The following MAP3K15 variants were observed in gnomAD, a reference collection of about 807,000 sequenced individuals.
MAP3K15 encodes MAPK/ERK kinase kinase 15.
Under a neutral mutation model 99.5 loss-of-function variants are expected in MAP3K15, and 124 were observed. The observed-to-expected ratio is 1.25, with a 90% CI of 1.08 to 1.45. MAP3K15 has a LOEUF of 1.45. MAP3K15 is among the 40% of genes most tolerant of loss of function. MAP3K15 has a pLI of 0.00. For synonymous variants in MAP3K15, 494 were observed against 439.6 expected (o/e 1.12, Z -1.55); for missense variants, 1,242 against 1,079.7 (o/e 1.15, Z -2.11).
intron 13 of MAP3K15, among the ~76,000 whole-genome samples, chrX:19,404,236 T>C (rs1226638491): frequency 9.0e-6 from 1 of 111,621 alleles, no homozygotes; most frequent in Non-Finnish European, 1.9e-5. Context: ...CATCCAAAAG[T>C]GAAATTAAAA....
intron 26 of MAP3K15, 31 bp from the exon 27 acceptor site, chrX:19,361,624 G>T (rs375095104): frequency 2.3e-5 from 23 of 1,011,655 alleles, no homozygotes; most frequent in Non-Finnish European, 3.2e-5. Context: ...TTATATATTA[G>T]TCTAACCATA....
intron 6 of MAP3K15, among the ~76,000 whole-genome samples, chrX:19,445,991 T>C (rs2147334899): frequency 1.8e-5 from 1 of 56,733 alleles, no homozygotes; most frequent in South Asian, 7.5e-4. Flanking sequence ...TAAATATTAA[T>C]CAGCCAGCAA....
At chrX:19,490,531 T>A (rs1249796053) in intron 1 of MAP3K15, among the ~76,000 whole-genome samples, 1 of 110,776 alleles carries the variant, frequency 9.0e-6, no homozygotes, top group African/African-American at 3.3e-5. Flanking sequence ...GCAGAATGCT[T>A]GAGCTCAGCA....
At chrX:19,500,308 G>A (rs896124576) in intron 1 of MAP3K15, among the ~76,000 whole-genome samples, 10 of 111,827 alleles carry the variant, frequency 8.9e-5, no homozygotes, top group Non-Finnish European at 1.7e-4. Context: ...GGAATGGATA[G>A]AGGTAAAGAA....
chrX:19,426,491 A>G (rs911204580), intron 7 of MAP3K15, 148 bp from the exon 8 acceptor site: 5 of 333,235 alleles, frequency 1.5e-5, no homozygotes, highest in Non-Finnish European at 2.6e-5. Context: ...CTTTACCAAC[A>G]GCCACATGCA....
chrX:19,475,965 G>A (rs755682353), intron 3 of MAP3K15, among the ~76,000 whole-genome samples: 1 of 111,999 alleles, frequency 8.9e-6, no homozygotes, highest in South Asian at 3.7e-4. Flanking sequence ...TACAAGCCAA[G>A]GTCCCTCATT....
intron 7 of MAP3K15, among the ~76,000 whole-genome samples, chrX:19,429,813 A>AGAGAGAGG (rs1239142304): frequency 1.1e-5 from 1 of 94,585 alleles, no homozygotes; most frequent in Non-Finnish European, 2.0e-5. Context: ...AGAGAGAGAG[A>AGAGAGAGG]GAGAGAGAGG....
intron 22 of MAP3K15, among the ~76,000 whole-genome samples, chrX:19,372,294 G>A (rs947417973): frequency 6.3e-5 from 7 of 111,180 alleles, no homozygotes; most frequent in Admixed American, 4.8e-4. Flanking sequence ...CAGCTCTAGC[G>A]TGTCCTACAG....
chrX:19,371,120 G>T, intron 23 of MAP3K15, 56 bp from the exon 24 acceptor site: 1 of 959,960 alleles, frequency 1.0e-6, no homozygotes, highest in East Asian at 3.5e-5. Flanking sequence ...CAGATTTCCA[G>T]TGCATTGCAC....
At chrX:19,463,837 C>A (rs763323829) in intron 4 of MAP3K15, among the ~76,000 whole-genome samples, 1 of 110,126 alleles carries the variant, frequency 9.1e-6, no homozygotes, top group Non-Finnish European at 1.9e-5. Context: ...AACAGCCACG[C>A]GAGTGTAAAG....
intron 1 of MAP3K15, among the ~76,000 whole-genome samples, chrX:19,492,491 G>A (rs895995922): frequency 4.5e-5 from 5 of 111,265 alleles, no homozygotes; most frequent in Non-Finnish European, 7.5e-5. Context: ...ACTAATGAAA[G>A]GATGCACGTC....
intron 9 of MAP3K15, among the ~76,000 whole-genome samples, chrX:19,423,525 C>T (rs886786077): frequency 3.6e-5 from 4 of 112,032 alleles, no homozygotes; most frequent in African/African-American, 6.5e-5. Flanking sequence ...TGGTACTAAA[C>T]GGAATGGTTC....
intron 9 of MAP3K15, among the ~76,000 whole-genome samples, chrX:19,416,344 C>G (rs1301820927): frequency 9.9e-6 from 1 of 100,635 alleles, no homozygotes; most frequent in South Asian, 4.4e-4. Flanking sequence ...AACAAACAAC[C>G]AAAAAAAAAA....
At chrX:19,496,664 G>GT (rs2064404634) in intron 1 of MAP3K15, 1 of 111,681 alleles carries the variant, frequency 9.0e-6, no homozygotes. Flanking sequence ...AAAAATCACA[G>GT]TAAGTAGCCC....
intron 18 of MAP3K15, 128 bp from the exon 19 acceptor site, chrX:19,380,405 G>T: frequency 1.5e-6 from 1 of 645,651 alleles, no homozygotes; most frequent in Admixed American, 4.0e-5. Flanking sequence ...AGACCAGCCT[G>T]GACAATGTAA....
At chrX:19,393,447 G>A (rs2063541207) in intron 16 of MAP3K15, among the ~76,000 whole-genome samples, 1 of 111,467 alleles carries the variant, frequency 9.0e-6, no homozygotes, top group Non-Finnish European at 1.9e-5. Flanking sequence ...CCTGGTCAAC[G>A]TGGCAAAACC....
At chrX:19,425,051 C>A (rs2063819079) in intron 9 of MAP3K15, among the ~76,000 whole-genome samples, 1 of 111,360 alleles carries the variant, frequency 9.0e-6, no homozygotes, top group Non-Finnish European at 1.9e-5. Flanking sequence ...CTACAACAAA[C>A]CACGAACACA....
intron 3 of MAP3K15, among the ~76,000 whole-genome samples, chrX:19,474,564 T>G: frequency 1.0e-5 from 1 of 98,131 alleles, no homozygotes; most frequent in Non-Finnish European, 2.0e-5. Flanking sequence ...GTCTGTGAAC[T>G]TGAAAGAGAA....
intron 11 of MAP3K15, among the ~76,000 whole-genome samples, chrX:19,412,517 G>T (rs369965403): frequency 1.8e-5 from 2 of 111,089 alleles, no homozygotes; most frequent in East Asian, 5.7e-4. Context: ...GAAATGAAAG[G>T]GTAGACAGGA....
Sources: allele counts gnomAD v4.1 joint callset (sites outside exome capture counted in the v4.1 genomes callset), GRCh38; gene constraint gnomAD v4.1.1; transcripts MANE v1.5; gene names NCBI Gene and HGNC (gene_info 2026-07-23, HGNC 2026-07-21).